Variants in MSRB3 observed in about 807,000 individuals in gnomAD.
The protein encoded by MSRB3 is methionine-R-sulfoxide reductase B3.
In MSRB3, 13 loss-of-function variants were observed where a neutral mutation model predicts 21.0. That is an observed-to-expected ratio of 0.62 (90% confidence interval 0.40 to 0.98). MSRB3 has a LOEUF of 0.98. Among genes scored for constraint, MSRB3 ranks in the 50% least tolerant of loss-of-function variants. The pLI, the probability that MSRB3 is intolerant of heterozygous loss-of-function variation, is 0.00. For missense variants in MSRB3, 199 were observed against 230.3 expected (o/e 0.86, Z 0.88); for synonymous variants, 87 against 88.6 (o/e 0.98, Z 0.10).
At chr12:65,414,669 A>G (rs1280690186) in intron 5 of MSRB3, among the ~76,000 whole-genome samples, 1 of 152,180 alleles carries the variant, frequency 6.6e-6, no homozygotes, top group Non-Finnish European at 1.5e-5. Context: ...CTCAGAACAC[A>G]TCCCCATCCG....
At chr12:65,370,904 T>C (rs1878280133) in intron 5 of MSRB3, among the ~76,000 whole-genome samples, 1 of 152,210 alleles carries the variant, frequency 6.6e-6, no homozygotes, top group South Asian at 2.1e-4. Flanking sequence ...AATTCAGATG[T>C]TTTCAAATTA....
In MSRB3 at chr12:65,308,675, T is replaced by C; in HGVS notation, c.76+20T>C. On this transcript the variant is annotated intron_variant, in intron 2 of 6. Coordinates refer to ENST00000308259, the MANE Select transcript of MSRB3 (RefSeq NM_001031679.3). ...CCTCAGGTTGCTGCTTGTTGTACTG[T>C]ACATAGTGAAGGCACAGGGCCAACT... The C allele has an allele frequency of 2.5e-6, 4 of 1,613,832 alleles. No individual in the cohort carries two copies. Among genetic ancestry groups the C allele is most frequent in the Non-Finnish European group, 3.4e-6 (4 of 1,179,812 alleles).
intron 5 of MSRB3, among the ~76,000 whole-genome samples, chr12:65,426,190 T>C (rs1249673626): frequency 6.6e-6 from 1 of 152,154 alleles, no homozygotes; most frequent in African/African-American, 2.4e-5. Flanking sequence ...CTATTTTTTG[T>C]CTGTTTTTTA....
chr12:65,445,909 TG>T, intron 5 of MSRB3, among the ~76,000 whole-genome samples: 1 of 152,248 alleles, frequency 6.6e-6, no homozygotes, highest in East Asian at 1.9e-4. Context: ...CCTCCCAAAG[TG>T]CTGGGATTAG....
chr12:65,384,649 T>C (rs1023840184), intron 5 of MSRB3, among the ~76,000 whole-genome samples: 2 of 152,166 alleles, frequency 1.3e-5, no homozygotes, highest in African/African-American at 4.8e-5. Flanking sequence ...TGTTTTACCT[T>C]ATCAAATTGT....
chr12:65,460,853 C>A (rs1403556241), intron 6 of MSRB3, among the ~76,000 whole-genome samples: 1 of 151,590 alleles, frequency 6.6e-6, no homozygotes, highest in Non-Finnish European at 1.5e-5. Flanking sequence ...TGAAAACTCA[C>A]CCAGTTCAAC....
intron 5 of MSRB3, among the ~76,000 whole-genome samples, chr12:65,437,753 C>T (rs939748413): frequency 1.3e-5 from 2 of 151,890 alleles, no homozygotes; most frequent in Non-Finnish European, 2.9e-5. Context: ...TGATCTAAGC[C>T]AATCATAAAA....
chr12:65,352,802 A>G, intron 4 of MSRB3, among the ~76,000 whole-genome samples: 2 of 150,192 alleles, frequency 1.3e-5, no homozygotes, highest in African/African-American at 2.4e-5. Flanking sequence ...CCACTGCTCA[A>G]TGAAATAAAA....
At chr12:65,327,852 G>A (rs1298263698) in intron 3 of MSRB3, among the ~76,000 whole-genome samples, 3 of 152,194 alleles carry the variant, frequency 2.0e-5, no homozygotes, top group East Asian at 1.9e-4. Context: ...CTCAGCTTGC[G>A]AGGATTTCTA....
rs116597631 is a variant in MSRB3 at position 65,356,463 on chromosome 12, T to A, written c.264-12535T>A. Reference sequence around the variant, plus strand: ...TTTATACAATGTGAGGGGACTTTTTTAAAAAAAATTTATTCCCATAGGTTA... The same window carrying A: ...TTTATACAATGTGAGGGGACTTTTTAAAAAAAAATTTATTCCCATAGGTTA... On this transcript the variant is annotated intron_variant, in intron 4 of 6. Transcript: ENST00000308259. 2.1e-3 allele frequency among the ~76,000 whole-genome samples: 317 copies of A among 151,818 alleles called. 2 individuals carry two copies. The highest frequency in any genetic ancestry group is 7.3e-3 in the African/African-American group (302 of 41,462).
chr12:65,375,276 T>G (rs1189769782), intron 5 of MSRB3, among the ~76,000 whole-genome samples: 3 of 152,166 alleles, frequency 2.0e-5, no homozygotes, highest in African/African-American at 7.2e-5. Context: ...CAGATAGATG[T>G]AAGTCTCTCT....
At chr12:65,316,008 T>C (rs931580009) in intron 2 of MSRB3, 1 of 152,188 alleles carries the variant, frequency 6.6e-6, no homozygotes, top group Non-Finnish European at 1.5e-5. Flanking sequence ...GATTAATGTT[T>C]TAATCTTCCT....
chr12:65,309,939 A>C (rs1158420232), intron 2 of MSRB3, among the ~76,000 whole-genome samples: 1 of 152,160 alleles, frequency 6.6e-6, no homozygotes, highest in African/African-American at 2.4e-5. Flanking sequence ...TGTTTTAAGG[A>C]ATTTAAGTCT....
rs947520245 is a variant in MSRB3 at position 65,423,277 on chromosome 12, G to A, written c.293-30451G>A. Among the ~76,000 whole-genome samples, 6 of 152,072 alleles carry A rather than the reference G, an allele frequency of 3.9e-5. No individual in the cohort carries two copies. The East Asian group carries it at 9.7e-4, about 24-fold the overall frequency. ...GTGCCTGGTGGGTCTTCTATATATA[G>A]GATTATTTCATCTGCAAACAGGGAC... On this transcript the variant is annotated intron_variant, in intron 5 of 6. Transcript: ENST00000308259.
intron 5 of MSRB3, among the ~76,000 whole-genome samples, chr12:65,440,710 C>A (rs1332806644): frequency 6.6e-6 from 1 of 151,738 alleles, no homozygotes; most frequent in African/African-American, 2.4e-5. Flanking sequence ...GAAATAGTAA[C>A]CTATGGATTA....
At chr12:65,311,396 T>C (rs933957221) in intron 2 of MSRB3, among the ~76,000 whole-genome samples, 1 of 152,156 alleles carries the variant, frequency 6.6e-6, no homozygotes, top group Admixed American at 6.5e-5. Context: ...TAAAGTGTTA[T>C]GAAAGTCAGT....
chr12:65,359,414 T>C (rs1877577721), intron 4 of MSRB3, among the ~76,000 whole-genome samples: 1 of 152,020 alleles, frequency 6.6e-6, no homozygotes, highest in Admixed American at 6.6e-5. Flanking sequence ...AAGGCAGAAA[T>C]GAAAATTTCC....
At chr12:65,291,593 A>T (rs1872668712) in intron 1 of MSRB3, among the ~76,000 whole-genome samples, 1 of 152,044 alleles carries the variant, frequency 6.6e-6, no homozygotes, top group South Asian at 2.1e-4. Flanking sequence ...TTCCAAAAAT[A>T]TGTATTGAGC....
chr12:65,399,682 T>A (rs561667664), intron 5 of MSRB3, among the ~76,000 whole-genome samples: 1 of 152,232 alleles, frequency 6.6e-6, no homozygotes, highest in East Asian at 1.9e-4. Context: ...CTTGTGCTGG[T>A]TGTCAAAGGG....
Sources: gnomAD v4.1 joint callset for allele counts (sites outside exome capture counted in the v4.1 genomes callset) on GRCh38, gnomAD v4.1.1 for gene constraint, MANE v1.5 for transcripts, NCBI Gene and HGNC (gene_info 2026-07-23, HGNC 2026-07-21) for gene names.